The following PARN variants were observed in gnomAD, a reference collection of about 807,000 sequenced individuals.
The protein encoded by PARN is poly(A)-specific ribonuclease, also known as poly(A)-specific ribonuclease PARN.
In PARN, 71 loss-of-function variants were observed where a neutral mutation model predicts 102.8. That is an observed-to-expected ratio of 0.69 (90% CI 0.57 to 0.84). PARN has a LOEUF of 0.84. Ranked by LOEUF, PARN falls within the 40% of genes least tolerant of loss-of-function variation. The pLI, the probability that PARN is intolerant of heterozygous loss-of-function variation, is 0.00. For missense variants in PARN, 782 were observed against 760.9 expected, an observed-to-expected ratio of 1.03 and a Z score of -0.33; for synonymous variants, 261 against 252.9, an observed-to-expected ratio of 1.03 and a Z score of -0.30.
chr16:14,613,761 T>C (rs1386586669), intron 6 of PARN, among the ~76,000 whole-genome samples: 2 of 152,148 alleles, frequency 1.3e-5, no homozygotes, highest in Non-Finnish European at 2.9e-5. Context: ...GCAAAAAAAG[T>C]GGTCCACGTT....
intron 22 of PARN, among the ~76,000 whole-genome samples, chr16:14,477,518 C>A (rs1963132351): frequency 1.3e-5 from 2 of 151,574 alleles, no homozygotes; most frequent in African/African-American, 4.8e-5. Context: ...TGGCTCACAG[C>A]TGTAATCCCA....
intron 13 of PARN, among the ~76,000 whole-genome samples, chr16:14,589,181 AAAAT>A (rs55852219): frequency 6.0e-5 from 9 of 149,664 alleles, no homozygotes; most frequent in Admixed American, 2.0e-4. Flanking sequence ...CTCTGTCTCA[AAAAT>A]AAATAAATAA....
rs71373026 is a variant in PARN, at chr16:14,435,896, TCACACACACACACACACACACACACA to T, written c.*795_*820del. Reference sequence around the variant, plus strand: ...GGACATGTTGTAGATTTGCACGATTTCACACACACACACACACACACACACACACACACACACACACACACACAGAC... The same window carrying T: ...GGACATGTTGTAGATTTGCACGATTTCACACACACACACACACACACAGAC... On this transcript the variant is annotated 3_prime_UTR_variant, in exon 24 of 24. Transcript: ENST00000437198. The T allele has an allele frequency of 7.6e-6, 1 of 131,076 alleles. No homozygotes were observed. Among genetic ancestry groups the T allele is most frequent in the Non-Finnish European group, 1.6e-5 (1 of 62,818 alleles). 8.1% of individuals were successfully genotyped at this position (131,076 alleles called of 1,614,324 possible).
In PARN at chr16:14,608,281, T is replaced by G; in HGVS notation, c.659A>C (p.Lys220Thr). 6.5e-7 allele frequency: 1 copy of G among 1,534,786 alleles called. No homozygotes were observed. The highest frequency in any genetic ancestry group is 2.0e-5 in the Admixed American group (1 of 49,882). ...TGCTGCATACAATATAAATACTTAC[T>G]TCCAGCTCAAAGTCTGATAAATTAG... ...RKLIYQTLSW[K>T]YPKGIHVETL... Residue 220 changes from lysine (K) to threonine (T), a missense_variant and splice_region_variant, in exon 9 of 24, where the codon AAG (lysine) becomes ACG (threonine). Transcript: ENST00000437198.
At chr16:14,597,413 C>T (rs114458862) in intron 12 of PARN, among the ~76,000 whole-genome samples, 6,570 of 152,210 alleles carry the variant, frequency 0.043, 153 homozygotes, top group African/African-American at 0.054. Context: ...ATCAACATCA[C>T]GGGCAGAGAA....
chr16:14,494,425 G>C (rs780359766), intron 21 of PARN, among the ~76,000 whole-genome samples: 5 of 152,096 alleles, frequency 3.3e-5, no homozygotes, highest in Non-Finnish European at 5.9e-5. Context: ...ACCACACCTG[G>C]GGCTCAGAAA....
At chr16:14,574,566 A>T (rs963192939) in intron 18 of PARN, among the ~76,000 whole-genome samples, 1 of 152,118 alleles carries the variant, frequency 6.6e-6, no homozygotes, top group African/African-American at 2.4e-5. Flanking sequence ...TACAAAAATT[A>T]GCTGGGCGTG....
intron 22 of PARN, among the ~76,000 whole-genome samples, chr16:14,465,695 A>G (rs1233687432): frequency 6.6e-6 from 1 of 152,190 alleles, no homozygotes; most frequent in Non-Finnish European, 1.5e-5. Flanking sequence ...AAGGATCTAG[A>G]ATAGCCAAAA....
At chr16:14,570,748 T>C (rs1596703487) in intron 18 of PARN, among the ~76,000 whole-genome samples, 1 of 145,598 alleles carries the variant, frequency 6.9e-6, no homozygotes, top group East Asian at 2.0e-4. Context: ...GAGGCTGAGG[T>C]TGGAGGATCG....
intron 22 of PARN, among the ~76,000 whole-genome samples, chr16:14,451,869 CAAAAAAAAAAAAA>C (rs869041563): frequency 1.9e-5 from 1 of 52,498 alleles, no homozygotes; most frequent in Non-Finnish European, 3.2e-5. Context: ...AAAAAAAATA[CAAAAAAAAAAAAA>C]AAAAAAAAAA....
At chr16:14,606,101 G>A (rs1971162226) in intron 10 of PARN, among the ~76,000 whole-genome samples, 1 of 152,090 alleles carries the variant, frequency 6.6e-6, no homozygotes, top group South Asian at 2.1e-4. Flanking sequence ...TACAAATTCT[G>A]ACTTTCAGCA....
At chr16:14,624,059 G>T (rs954292991) in intron 5 of PARN, among the ~76,000 whole-genome samples, 5 of 152,184 alleles carry the variant, frequency 3.3e-5, no homozygotes, top group African/African-American at 1.2e-4. Flanking sequence ...TTCTGGGTGT[G>T]AGTGTGGTTC....
intron 18 of PARN, among the ~76,000 whole-genome samples, chr16:14,569,292 A>G (rs1968639830): frequency 1.3e-5 from 2 of 152,226 alleles, no homozygotes. Context: ...ATTTTCTTCA[A>G]GTTCACTACA....
chr16:14,626,668 G>C (rs1469907496), intron 5 of PARN, among the ~76,000 whole-genome samples: 1 of 151,198 alleles, frequency 6.6e-6, no homozygotes. Flanking sequence ...CTGGAGTGCA[G>C]GGGCGTGATC....
chr16:14,623,667 T>C (rs1323406705), intron 5 of PARN, among the ~76,000 whole-genome samples: 1 of 151,790 alleles, frequency 6.6e-6, no homozygotes, highest in East Asian at 1.9e-4. Context: ...TGAAACGCTG[T>C]CCCCATTAAA....
chr16:14,574,094 T>C (rs1293408053), intron 18 of PARN, among the ~76,000 whole-genome samples: 1 of 152,166 alleles, frequency 6.6e-6, no homozygotes, highest in Admixed American at 6.5e-5. Flanking sequence ...TAGAGACTTG[T>C]TGAATGGTTT....
chr16:14,513,104 T>G (rs902323662), intron 21 of PARN, among the ~76,000 whole-genome samples: 2 of 152,060 alleles, frequency 1.3e-5, no homozygotes. Context: ...TTTGTATTTT[T>G]AGTAGAGACG....
intron 23 of PARN, among the ~76,000 whole-genome samples, chr16:14,441,153 G>A (rs1261399592): frequency 3.9e-5 from 6 of 152,166 alleles, no homozygotes; most frequent in Admixed American, 3.3e-4. Flanking sequence ...CAGGATACAA[G>A]CTGCATACAG....
intron 5 of PARN, among the ~76,000 whole-genome samples, chr16:14,622,654 G>A (rs1288854465): frequency 1.3e-5 from 2 of 152,144 alleles, no homozygotes; most frequent in Admixed American, 1.3e-4. Context: ...ACAGGCGCCC[G>A]CCCCCACGCC....
Sources: gnomAD v4.1 joint callset for allele counts (sites outside exome capture counted in the v4.1 genomes callset) on GRCh38, gnomAD v4.1.1 for gene constraint, MANE v1.5 for transcripts, NCBI Gene and HGNC (gene_info 2026-07-23, HGNC 2026-07-21) for gene names.